The following ROCK2 variants were observed in gnomAD, a reference collection of about 807,000 sequenced individuals.
ROCK2 encodes Rho associated coiled-coil containing protein kinase 2, also known as rho-associated protein kinase 2.
ROCK2 carries 61 observed loss-of-function variants against 195.1 expected under a neutral mutation model. That is an observed-to-expected ratio of 0.31 (90% confidence interval 0.25 to 0.39). The LOEUF (loss-of-function observed/expected upper bound fraction) is 0.39, where lower values mean the gene tolerates loss of function less well. ROCK2 is among the 10% of genes least tolerant of loss of function. The pLI is 1.00. For synonymous variants in ROCK2, 504 were observed against 545.5 expected (o/e 0.92, Z 1.06); for missense variants, 1,109 against 1,637.4 (o/e 0.68, Z 5.57).
intron 1 of ROCK2, among the ~76,000 whole-genome samples, chr2:11,314,432 G>C (rs1281104610): frequency 1.8e-5 from 1 of 55,798 alleles, no homozygotes; most frequent in African/African-American, 3.6e-5. Context: ...GAATAGTTTA[G>C]AACTTCATTT....
intron 32 of ROCK2, among the ~76,000 whole-genome samples, chr2:11,186,065 G>T (rs983148432): frequency 6.6e-6 from 1 of 152,218 alleles, no homozygotes; most frequent in Non-Finnish European, 1.5e-5. Flanking sequence ...AACACTGACA[G>T]AATAGGTTAA....
chr2:11,298,469 CAAAA>C (rs771356019), intron 1 of ROCK2, among the ~76,000 whole-genome samples: 1 of 45,038 alleles, frequency 2.2e-5, no homozygotes, highest in Non-Finnish European at 4.8e-5. Flanking sequence ...GACTCCATCT[CAAAA>C]AAAAAAAAAA....
At chr2:11,219,210 A>G (rs1664537996) in intron 9 of ROCK2, among the ~76,000 whole-genome samples, 184 bp from the exon 10 acceptor site, 1 of 151,934 alleles carries the variant, frequency 6.6e-6, no homozygotes, top group Non-Finnish European at 1.5e-5. Context: ...ATAATTTAAA[A>G]TGCTAGGGCC....
intron 3 of ROCK2, among the ~76,000 whole-genome samples, chr2:11,278,173 T>C (rs935183465): frequency 3.9e-5 from 6 of 152,234 alleles, no homozygotes; most frequent in Non-Finnish European, 1.5e-5. Flanking sequence ...ACCATAAATC[T>C]CTTTAACTTA....
chr2:11,260,396 T>G (rs1666184272), intron 3 of ROCK2, among the ~76,000 whole-genome samples: 1 of 136,236 alleles, frequency 7.3e-6, no homozygotes. Flanking sequence ...TGCAGTGAGC[T>G]GAGATCACAC....
chr2:11,239,861 T>C (rs1572289359), intron 4 of ROCK2, among the ~76,000 whole-genome samples: 2 of 152,136 alleles, frequency 1.3e-5, no homozygotes, highest in South Asian at 4.1e-4. Flanking sequence ...AATTCAGGGG[T>C]TCCCACAACC....
At chr2:11,219,355 A>AAAAAAAAAAAAG (rs1664545932) in intron 9 of ROCK2, among the ~76,000 whole-genome samples, 1 of 150,324 alleles carries the variant, frequency 6.7e-6, no homozygotes. Context: ...AAAAAAAAAA[A>AAAAAAAAAAAAG]AAAAAATTAG....
chr2:11,219,507 T>A (rs1161138733), intron 9 of ROCK2, among the ~76,000 whole-genome samples: 1 of 152,134 alleles, frequency 6.6e-6, no homozygotes, highest in Non-Finnish European at 1.5e-5. Flanking sequence ...TGAGACTCCA[T>A]CTCAATCCAT....
intron 3 of ROCK2, among the ~76,000 whole-genome samples, chr2:11,262,551 G>GT (rs1666265372): frequency 6.6e-6 from 1 of 152,144 alleles, no homozygotes; most frequent in African/African-American, 2.4e-5. Flanking sequence ...TCTCATGATA[G>GT]TAAGTAGTAA....
intron 32 of ROCK2, 51 bp from the exon 33 acceptor site, chr2:11,183,491 AGT>A: frequency 2.2e-6 from 3 of 1,383,320 alleles, no homozygotes; most frequent in Non-Finnish European, 3.0e-6. Context: ...ATAATTTAAG[AGT>A]GTTAAATTCC....
intron 1 of ROCK2, among the ~76,000 whole-genome samples, chr2:11,342,579 C>G (rs1369609079): frequency 6.6e-6 from 1 of 152,114 alleles, no homozygotes; most frequent in Admixed American, 6.5e-5. Flanking sequence ...ACTTTCTGGC[C>G]TTAGGTCAAA....
At chr2:11,268,263 T>C (rs943727584) in intron 3 of ROCK2, among the ~76,000 whole-genome samples, 1 of 151,904 alleles carries the variant, frequency 6.6e-6, no homozygotes, top group African/African-American at 2.4e-5. Flanking sequence ...AGTCAGAAAA[T>C]TAAAAACTTT....
At chr2:11,207,657 C>A (rs1187321069) in intron 20 of ROCK2, 69 bp downstream of exon 20, 2 of 1,235,636 alleles carry the variant, frequency 1.6e-6, no homozygotes, top group East Asian at 5.0e-5. Context: ...AGAAAATCCA[C>A]AGATACACCA....
rs570529555 is a variant in ROCK2, at chr2:11,321,461, A to C, written c.141+22535T>G. 4.0e-5 allele frequency among the ~76,000 whole-genome samples: 6 copies of C among 151,468 alleles called. No individual in the cohort carries two copies. In the East Asian group the frequency reaches 1.2e-3, roughly 31 times the overall value. On this transcript the variant is annotated intron_variant, in intron 1 of 32. Transcript: ENST00000315872. The stretch of plus-strand genomic sequence containing the variant: ...AAGTGCTGGGATTACAGGCGTGGCC[A>C]CTGCGTCCAGCACTTTGGGAGGCCA...
chr2:11,198,434 TA>T, intron 25 of ROCK2, 56 bp downstream of exon 25: 1 of 1,200,746 alleles, frequency 8.3e-7, no homozygotes, highest in Non-Finnish European at 1.2e-6. Context: ...AAGTAAAATG[TA>T]AAAGAGATAA....
chr2:11,311,890 C>A (rs554545400), intron 1 of ROCK2, among the ~76,000 whole-genome samples: 2 of 152,150 alleles, frequency 1.3e-5, no homozygotes, highest in Non-Finnish European at 2.9e-5. Context: ...TGAAGAATAT[C>A]CAGAATTATC....
At chr2:11,224,989 C>T (rs1035340491) in intron 6 of ROCK2, among the ~76,000 whole-genome samples, 1 of 152,172 alleles carries the variant, frequency 6.6e-6, no homozygotes, top group African/African-American at 2.4e-5. Flanking sequence ...ATGGTCACCA[C>T]ACTGGACAGC....
intron 1 of ROCK2, among the ~76,000 whole-genome samples, chr2:11,317,830 T>C (rs1668272868): frequency 6.6e-6 from 1 of 151,008 alleles, no homozygotes; most frequent in South Asian, 2.1e-4. Flanking sequence ...GTGTTCTCAT[T>C]GTTCAATTCT....
rs1664853333 is a variant in ROCK2, at chr2:11,227,416, A to G, written c.724-18T>C. The G allele has an allele frequency of 1.3e-6, 2 of 1,599,202 alleles. No individual in the cohort carries two copies. Among genetic ancestry groups the G allele is most frequent in the Admixed American group, 3.5e-5 (2 of 56,760 alleles). On this transcript the variant is annotated intron_variant, in intron 5 of 32. Transcript: ENST00000315872. ...ATGCCTGTCTGCATGAACAGGAGAG[A>G]TAAAGAAAAAACAGTTCAGTGTAAA...
Sources: allele counts gnomAD v4.1 joint callset (sites outside exome capture counted in the v4.1 genomes callset), GRCh38; gene constraint gnomAD v4.1.1; transcripts MANE v1.5; gene names NCBI Gene and HGNC (gene_info 2026-07-23, HGNC 2026-07-21).